The following CENATAC variants were observed in gnomAD, a reference collection of about 807,000 sequenced individuals.
CENATAC encodes the protein coiled-coil domain containing 84.
In CENATAC, 53 loss-of-function variants were observed where a neutral mutation model predicts 53.7. The observed-to-expected ratio is 0.99, with a 90% CI of 0.79 to 1.24. The LOEUF (loss-of-function observed/expected upper bound fraction) is 1.24. Among genes scored for constraint, CENATAC ranks in the 50% most tolerant of loss-of-function variants. The probability of loss-of-function intolerance (pLI) is 0.00; values close to 1 mark genes in which losing one functional copy is unlikely to be tolerated. For missense variants in CENATAC, 474 were observed against 417.8 expected, an observed-to-expected ratio of 1.13 and a Z score of -1.17; for synonymous variants, 156 against 144.6, an observed-to-expected ratio of 1.08 and a Z score of -0.57.
intron 3 of CENATAC, chr11:119,009,421 C>T (rs1307625767): frequency 6.7e-6 from 1 of 149,912 alleles, no homozygotes; most frequent in Non-Finnish European, 1.5e-5. Flanking sequence ...CACACCGCGC[C>T]TGGCTTAAAT....
chr11:118,998,825 C>T (rs1372403411), intron 2 of CENATAC, among the ~76,000 whole-genome samples, 186 bp from the exon 3 acceptor site: 1 of 152,090 alleles, frequency 6.6e-6, no homozygotes, highest in Non-Finnish European at 1.5e-5. Context: ...CTAACCTCCC[C>T]TCAGATTCTC....
chr11:118,999,373 T>C (rs1942175863), intron 3 of CENATAC: 1 of 365,162 alleles, frequency 2.7e-6, no homozygotes. Context: ...GCACCGAGAA[T>C]ACTAACGTTA....
In CENATAC at chr11:118,998,240, T is replaced by C; in HGVS notation, c.43T>C (p.Phe15Leu). ...QRCPLCRQTF[F>L]CGRGHVYSRK... ...CTGCCCTCTGTGCCGCCAGACCTTC[T>C]TCTGTGGTCGCGGGCACGTTTACAG... Residue 15 changes from phenylalanine (F) to leucine (L), a missense_variant, in exon 1 of 11, where the codon TTC (phenylalanine) becomes CTC (leucine). By Grantham distance (22) the Phe-to-Leu change is conservative (BLOSUM62 0). Coordinates refer to ENST00000334418, the MANE Select transcript of CENATAC (RefSeq NM_198489.3). 1 of 1,587,362 alleles carries C rather than the reference T, an allele frequency of 6.3e-7. No homozygotes were observed. The highest frequency in any genetic ancestry group is 8.6e-7 in the Non-Finnish European group (1 of 1,166,912).
chr11:119,003,270 T>C (rs1185663757), intron 3 of CENATAC: 1 of 529,516 alleles, frequency 1.9e-6, no homozygotes, highest in East Asian at 5.0e-5. Flanking sequence ...GGGGTGCTCT[T>C]AAGATATTTG....
intron 3 of CENATAC, chr11:119,009,682 C>T (rs1942775694): frequency 6.6e-6 from 1 of 152,194 alleles, no homozygotes; most frequent in Admixed American, 6.5e-5. Context: ...AAGCCATTGT[C>T]TCCTTGGATA....
chr11:119,005,617 GA>G (rs962965817), intron 3 of CENATAC: 1 of 151,690 alleles, frequency 6.6e-6, no homozygotes. Context: ...CAGCTGCCTA[GA>G]AATTTCTGGA....
chr11:119,005,466 C>CAA (rs570460310), intron 3 of CENATAC, among the ~76,000 whole-genome samples: 28 of 134,462 alleles, frequency 2.1e-4, no homozygotes, highest in African/African-American at 7.6e-4. Flanking sequence ...GACCCCGTCT[C>CAA]AAAAAAAAAA....
In CENATAC at chr11:119,015,424, G is replaced by A. The variant is rs782098408; in HGVS notation, c.923G>A (p.Arg308His). 70 of 1,613,956 alleles carry A rather than the reference G, an allele frequency of 4.3e-5. No homozygotes were observed. The highest frequency in any genetic ancestry group is 3.3e-4 in the Middle Eastern group (2 of 6,082). The change falls in exon 10 of 11, where the codon CGC (arginine) becomes CAC (histidine). Residue 308 changes from arginine to histidine, a missense_variant. Arg to His is a conservative substitution (Grantham distance 29). Transcript: ENST00000334418. Reference protein sequence around the residue: ...PSFGRVWNNGRRWQSRHQFKT... With the variant: ...PSFGRVWNNGHRWQSRHQFKT... ...TTTGGCCGCGTCTGGAATAATGGAC[G>A]CCGCTGGCAGTCCAGGTATGTGTGT...
chr11:119,010,857 CT>C, intron 4 of CENATAC, 27 bp downstream of exon 4: 6 of 1,604,160 alleles, frequency 3.7e-6, no homozygotes, highest in Non-Finnish European at 5.1e-6. Context: ...GTCCCTCACC[CT>C]TTTTGCACCA....
chr11:119,003,334 G>C (rs1251868087), intron 3 of CENATAC: 1 of 534,188 alleles, frequency 1.9e-6, no homozygotes, highest in African/African-American at 1.9e-5. Context: ...GTGATACGCG[G>C]ATCTTCTTTT....
intron 5 of CENATAC, 48 bp downstream of exon 5, chr11:119,011,331 C>T: frequency 6.4e-7 from 1 of 1,559,800 alleles, no homozygotes; most frequent in Non-Finnish European, 8.8e-7. Flanking sequence ...TCCACTGATC[C>T]CTGGCATTCC....
chr11:118,999,033 A>G lies in CENATAC; in HGVS notation c.307A>G (p.Asn103Asp). The part of the protein sequence containing the change: ...LASPEHKKAT[N>D]KFWWENKAEV... ...CAGCCCAGAGCACAAGAAAGCAACC[A>G]ACAAATTCTGGTGGGAGAACAAAGC... is the stretch of plus-strand genomic sequence containing the variant. The change falls in exon 3 of 11, where the codon AAC becomes GAC. Residue 103 changes from asparagine (N) to aspartate (D), a missense_variant. Asn to Asp is a conservative substitution (Grantham distance 23, BLOSUM62 1). Coordinates refer to ENST00000334418, the MANE Select transcript of CENATAC (RefSeq NM_198489.3). 1 of 1,614,124 alleles carries G rather than the reference A, an allele frequency of 6.2e-7. No individual in the cohort carries two copies.
intron 3 of CENATAC, chr11:119,010,231 T>A (rs1288709007): frequency 6.5e-6 from 1 of 153,904 alleles, no homozygotes; most frequent in Non-Finnish European, 1.4e-5. Flanking sequence ...ATGGAAACAG[T>A]AAGACTGTTC....
intron 3 of CENATAC, among the ~76,000 whole-genome samples, chr11:119,006,605 G>A (rs1350439413): frequency 1.3e-5 from 2 of 152,170 alleles, no homozygotes; most frequent in Non-Finnish European, 2.9e-5. Context: ...TCTTGACCTC[G>A]TGATCCACCC....
At position 119,015,322 on chromosome 11, in the gene CENATAC, T is replaced by TGAAAAAACTCCCCC; in HGVS notation, c.822_835dup (p.Pro279ArgfsTer50). ...CATTGTACAGAGGAAAAACAGAAGT[T>TGAAAAAACTCCCCC]GAAAAAACTCCCCCCAGACCGAGTT... On this transcript the variant is annotated frameshift_variant, in exon 10 of 11. Coordinates refer to ENST00000334418, the MANE Select transcript of CENATAC (RefSeq NM_198489.3). LOFTEE classifies it high-confidence loss of function. The TGAAAAAACTCCCCC allele has an allele frequency of 6.2e-7, 1 of 1,611,396 alleles. No homozygotes were observed. Among genetic ancestry groups the TGAAAAAACTCCCCC allele is most frequent in the Non-Finnish European group, 8.5e-7 (1 of 1,179,306 alleles).
At chr11:119,013,125 TCA>T in intron 7 of CENATAC, 105 bp from the exon 8 acceptor site, 1 of 793,526 alleles carries the variant, frequency 1.3e-6, no homozygotes. Context: ...GTGGCAGCAG[TCA>T]CACCCACCTC....
At chr11:119,009,295 T>A (rs992488375) in intron 3 of CENATAC, among the ~76,000 whole-genome samples, 1 of 151,970 alleles carries the variant, frequency 6.6e-6, no homozygotes, top group African/African-American at 2.4e-5. Flanking sequence ...TCTGGCTAAT[T>A]TTTTGTGTTT....
At chr11:119,005,378 ATGGCGTG>A (rs1942535258) in intron 3 of CENATAC, among the ~76,000 whole-genome samples, 3 of 151,828 alleles carry the variant, frequency 2.0e-5, no homozygotes, top group Non-Finnish European at 4.4e-5. Context: ...AGGCAGGAGA[ATGGCGTG>A]AACCCAGGAG....
chr11:118,999,441 A>G (rs2134515518), intron 3 of CENATAC: 1 of 216,884 alleles, frequency 4.6e-6, no homozygotes, highest in East Asian at 1.0e-4. Context: ...TACTTTTAAT[A>G]GTTTTGGACT....
Sources: gnomAD v4.1 joint callset for allele counts (sites outside exome capture counted in the v4.1 genomes callset) on GRCh38, gnomAD v4.1.1 for gene constraint, MANE v1.5 for transcripts, NCBI Gene and HGNC (gene_info 2026-07-23, HGNC 2026-07-21) for gene names.